The following LRRC61 variants were observed in gnomAD, a reference collection of about 807,000 sequenced individuals.
LRRC61 encodes the protein leucine-rich repeat-containing protein 61.
A neutral mutation model predicts 15.1 loss-of-function variants in LRRC61; 9 were observed. The ratio of observed to expected loss-of-function variants is 0.60; its 90% CI spans 0.36 to 1.04. LRRC61 has a LOEUF of 1.04. LRRC61 is among the 50% of genes least tolerant of loss of function. LRRC61 has a pLI of 0.01. For synonymous variants in LRRC61, 173 were observed against 158.6 expected (o/e 1.09, Z -0.68); for missense variants, 344 against 335.6 (o/e 1.03, Z -0.20).
At chr7:150,310,949 C>T in the LRRC61 span, among the ~76,000 whole-genome samples, 4 of 152,236 alleles carry the variant, frequency 2.6e-5, no homozygotes, top group Non-Finnish European at 4.4e-5. Context: ...TCGGCATAGT[C>T]CTCCATCAAC....
At chr7:150,310,163 G>T in the LRRC61 span, among the ~76,000 whole-genome samples, 1 of 152,118 alleles carries the variant, frequency 6.6e-6, no homozygotes, top group Admixed American at 6.5e-5. Flanking sequence ...CTGGGCTACA[G>T]CCACACCTCA....
At chr7:150,310,894 G>C in the LRRC61 span, among the ~76,000 whole-genome samples, 1 of 152,144 alleles carries the variant, frequency 6.6e-6, no homozygotes, top group Admixed American at 6.5e-5. Flanking sequence ...AGGGTACCGA[G>C]TATCCCCTTC....
At chr7:150,318,500 A>T (rs895106869), upstream of LRRC61, among the ~76,000 whole-genome samples, 5 of 152,238 alleles carry the variant, frequency 3.3e-5, no homozygotes, top group African/African-American at 1.2e-4. Context: ...GCGGTGGCTC[A>T]CGCCTGTAAT....
At chr7:150,327,906 T>A (rs533887221) in intron 2 of LRRC61, among the ~76,000 whole-genome samples, 36 of 152,196 alleles carry the variant, frequency 2.4e-4, no homozygotes, top group African/African-American at 8.4e-4. Flanking sequence ...CCTGGTCTCC[T>A]GACCCCACTT....
chr7:150,320,259 C>A (rs1797365924), upstream of LRRC61, among the ~76,000 whole-genome samples: 1 of 152,128 alleles, frequency 6.6e-6, no homozygotes, highest in Non-Finnish European at 1.5e-5. Flanking sequence ...AGTAGGGTAT[C>A]CTCAGGAAGC....
In LRRC61 at chr7:150,335,826, C is replaced by T. The variant is rs1226405794; in HGVS notation, c.-144-892C>T. Among the ~76,000 whole-genome samples the T allele has an allele frequency of 6.6e-6, 1 of 152,218 alleles. No homozygotes were observed. Among genetic ancestry groups the T allele is most frequent in the African/African-American group, 2.4e-5 (1 of 41,454 alleles). On this transcript the variant is annotated intron_variant, in intron 2 of 2. Transcript: ENST00000359623. This position sits in a 1 kb window ranked among gnomAD's most constrained non-coding sequence, Gnocchi z 4.3. ...GCTTTGTGCCACAGTCATGCGCTGG[C>T]ACCTGGACTCACCTGGTCCTGCAGC...
chr7:150,330,647 C>T lies in LRRC61; in HGVS notation c.-145+4637C>T. The T allele has an allele frequency of 2.0e-6, 2 of 1,018,008 alleles. No homozygotes were observed. The highest frequency in any genetic ancestry group is 3.1e-6 in the Non-Finnish European group (2 of 635,276). The allele number at this position is 1,018,008 out of a possible 1,614,324, so 63.1% of individuals were successfully genotyped here. On this transcript the variant is annotated intron_variant, in intron 2 of 2. Transcript: ENST00000359623. The surrounding 1 kb of genome is among the most constrained non-coding windows in gnomAD (Gnocchi z 4.6). ...TGGCCACCTTGCTGGACCCTTGCTT[C>T]AAGGGGAAGATTGAGGCCATCCTGC...
Position 150,337,421 on chromosome 7 carries a change from C to G in LRRC61, c.560C>G (p.Ser187Cys). Residue 187 changes from serine (S) to cysteine (C), a missense_variant, in exon 3 of 3, where the codon TCC (serine) becomes TGC (cysteine). By Grantham distance (112) the Ser-to-Cys change is moderately radical. Coordinates refer to ENST00000359623, the MANE Select transcript of LRRC61 (RefSeq NM_001142928.2). ...CTGGACAGCTCCTTGCGTCCCAGCT[C>G]CAGTCCAGGCCCCAGAGCCACCGAG... ...RDLDSSLRPS[S>C]SPGPRATEAQ... is the part of the protein sequence containing the mutation. The G allele has an allele frequency of 6.2e-7, 1 of 1,605,384 alleles. No homozygotes were observed. The highest frequency in any genetic ancestry group is 8.5e-7 in the Non-Finnish European group (1 of 1,179,930).
At chr7:150,311,769 T>C in the LRRC61 span, among the ~76,000 whole-genome samples, 43,950 of 152,134 alleles carry the variant, frequency 0.29, 6,552 homozygotes, top group East Asian at 0.43. Context: ...TGTTGTGTCC[T>C]GTACCTCTAT....
chr7:150,329,591 C>T (rs1798042197), intron 2 of LRRC61, among the ~76,000 whole-genome samples: 1 of 152,234 alleles, frequency 6.6e-6, no homozygotes, highest in Non-Finnish European at 1.5e-5. Context: ...AAAGCCTGGC[C>T]TGCCCATGAG....
chr7:150,326,528 C>G (rs1308642769), intron 2 of LRRC61, among the ~76,000 whole-genome samples: 1 of 151,736 alleles, frequency 6.6e-6, no homozygotes, highest in African/African-American at 2.4e-5. Context: ...ACAGAAAACA[C>G]AAAAATTAGC....
chr7:150,320,924 T>C (rs915182145), upstream of LRRC61, among the ~76,000 whole-genome samples: 3 of 152,238 alleles, frequency 2.0e-5, no homozygotes, highest in Non-Finnish European at 4.4e-5. Context: ...AGGACACCTC[T>C]GACAATACAA....
At position 150,333,271 on chromosome 7, in the gene LRRC61, C is replaced by T. The variant is rs369261090; in HGVS notation, c.-144-3447C>T. Among the ~76,000 whole-genome samples, 30 of 152,296 alleles carry T rather than the reference C, an allele frequency of 2.0e-4. No homozygotes were observed. In the East Asian group the frequency reaches 2.7e-3, roughly 14 times the overall value. The stretch of plus-strand genomic sequence containing the variant: ...TCTAGAACCTTCACTTTCATCTAGG[C>T]GCAGTTTTGTCCCCCAGTGGACATT... On this transcript the variant is annotated intron_variant, in intron 2 of 2. Coordinates refer to ENST00000359623, the MANE Select transcript of LRRC61 (RefSeq NM_001142928.2). This position sits in a 1 kb window ranked among gnomAD's most constrained non-coding sequence, Gnocchi z 4.3.
rs1338992280 is a variant in LRRC61 at position 150,336,927 on chromosome 7, G to GA, written c.66_67insA (p.Ser23IlefsTer23). 1 of 1,613,852 alleles carries GA rather than the reference G, an allele frequency of 6.2e-7. No homozygotes were observed. Among genetic ancestry groups the GA allele is most frequent in the South Asian group, 1.1e-5 (1 of 91,092 alleles). ...TGCAGATCACACCCCAGCTGCTGAA[G>GA]TCACGCACAGGCGAGTTCTCCCTGG... On this transcript the variant is annotated frameshift_variant, in exon 3 of 3. Transcript: ENST00000359623. LOFTEE classifies it high-confidence loss of function.
the LRRC61 span, among the ~76,000 whole-genome samples, chr7:150,317,350 G>A: frequency 6.6e-6 from 1 of 152,194 alleles, no homozygotes; most frequent in East Asian, 1.9e-4. Flanking sequence ...ACTGCGCCCA[G>A]CCTTCCTTTG....
At chr7:150,312,730 G>A in the LRRC61 span, among the ~76,000 whole-genome samples, 5 of 152,120 alleles carry the variant, frequency 3.3e-5, no homozygotes, top group South Asian at 2.1e-4. Flanking sequence ...GAGAAACATC[G>A]CCCCTACCCC....
the LRRC61 span, among the ~76,000 whole-genome samples, chr7:150,316,148 G>A: frequency 1.3e-5 from 2 of 152,190 alleles, no homozygotes; most frequent in Admixed American, 6.5e-5. Context: ...AGTGAGCCGA[G>A]ATCACGCCAT....
chr7:150,331,877 ACC>A (rs1798119001), intron 2 of LRRC61: 1 of 166,988 alleles, frequency 6.0e-6, no homozygotes, highest in Non-Finnish European at 1.5e-5. Context: ...GTACACACAT[ACC>A]CCCACACACC....
rs1184489964 is a variant in LRRC61 at position 150,333,531 on chromosome 7, C to A, written c.-144-3187C>A. ...GCTGCTCTGGGTTGAAGCGTTCCTC[C>A]CCCTAGACTTAGCTCTGCCCTGTGG... On this transcript the variant is annotated intron_variant, in intron 2 of 2. Transcript: ENST00000359623. The surrounding 1 kb of genome is among the most constrained non-coding windows in gnomAD (Gnocchi z 4.3). Among the ~76,000 whole-genome samples, 1 of 152,206 alleles carries A rather than the reference C, an allele frequency of 6.6e-6. No homozygotes were observed. The highest frequency in any genetic ancestry group is 1.5e-5 in the Non-Finnish European group (1 of 68,038).
Sources: allele counts gnomAD v4.1 joint callset (sites outside exome capture counted in the v4.1 genomes callset), GRCh38; gene constraint gnomAD v4.1.1; non-coding constraint Gnocchi (gnomAD v3.1); transcripts MANE v1.5; gene names NCBI Gene and HGNC (gene_info 2026-07-23, HGNC 2026-07-21).